Variants in STK32B observed in about 807,000 individuals in gnomAD.
STK32B encodes the protein serine/threonine-protein kinase 32B.
STK32B carries 43 observed loss-of-function variants against 52.6 expected under a neutral mutation model. The ratio of observed to expected loss-of-function variants is 0.82; its 90% CI spans 0.64 to 1.05. STK32B has a LOEUF of 1.05. Among genes scored for constraint, STK32B ranks in the 50% least tolerant of loss-of-function variants. The probability of loss-of-function intolerance (pLI) is 0.00; values close to 1 mark genes in which losing one functional copy is unlikely to be tolerated. For missense variants in STK32B, 621 were observed against 534.6 expected (o/e 1.16, Z -1.59); for synonymous variants, 238 against 204.3 (o/e 1.17, Z -1.41).
At chr4:5,425,667 T>C (rs1293756500) in intron 6 of STK32B, among the ~76,000 whole-genome samples, 1 of 152,202 alleles carries the variant, frequency 6.6e-6, no homozygotes, top group Non-Finnish European at 1.5e-5. Flanking sequence ...AGGAATAATT[T>C]TCATGCAGTA....
intron 3 of STK32B, among the ~76,000 whole-genome samples, chr4:5,259,733 G>T (rs1382459846): frequency 6.6e-6 from 1 of 152,102 alleles, no homozygotes; most frequent in Non-Finnish European, 1.5e-5. Flanking sequence ...TGGGATGAGA[G>T]CTCTGAGGCC....
intron 1 of STK32B, among the ~76,000 whole-genome samples, chr4:5,071,716 G>A (rs937510728): frequency 6.6e-6 from 1 of 152,054 alleles, no homozygotes; most frequent in African/African-American, 2.4e-5. Context: ...TGTTTGCTTA[G>A]GATTTGCATT....
chr4:5,060,600 G>A (rs200399701), intron 1 of STK32B, among the ~76,000 whole-genome samples: 29 of 126,430 alleles, frequency 2.3e-4, no homozygotes, highest in East Asian at 2.0e-3. Context: ...TTATACTTAC[G>A]TATTCTACAC....
the STK32B span, among the ~76,000 whole-genome samples, chr4:5,036,420 G>T: frequency 3.4e-4 from 51 of 152,114 alleles, no homozygotes; most frequent in Non-Finnish European, 1.3e-4. Flanking sequence ...TTGGGTCCAG[G>T]TGTCTCTCTG....
At chr4:5,457,102 T>A (rs909322592) in intron 8 of STK32B, among the ~76,000 whole-genome samples, 179 bp downstream of exon 8, 3 of 151,940 alleles carry the variant, frequency 2.0e-5, no homozygotes, top group Non-Finnish European at 4.4e-5. Context: ...TGCGTGCAGA[T>A]CAGCACACCT....
intron 4 of STK32B, among the ~76,000 whole-genome samples, chr4:5,357,334 A>G (rs1304340999): frequency 7.3e-6 from 1 of 136,552 alleles, no homozygotes; most frequent in Non-Finnish European, 1.5e-5. Flanking sequence ...AGACACTGTG[A>G]GTACGCTTTG....
chr4:5,435,923 T>C (rs1246110624), intron 6 of STK32B: 1 of 152,336 alleles, frequency 6.6e-6, no homozygotes, highest in Non-Finnish European at 1.5e-5. Context: ...AAGAGCCTTG[T>C]CTGGCACATG....
At chr4:5,494,791 C>T (rs961890716) in intron 11 of STK32B, among the ~76,000 whole-genome samples, 66 of 152,132 alleles carry the variant, frequency 4.3e-4, no homozygotes, top group African/African-American at 1.4e-3. Context: ...AATCTCTCAG[C>T]GTTTGCTTGT....
chr4:5,188,845 A>T (rs1577163341), intron 3 of STK32B, among the ~76,000 whole-genome samples: 1 of 139,800 alleles, frequency 7.2e-6, no homozygotes, highest in African/African-American at 2.7e-5. Context: ...AGGGAACATC[A>T]CACACTGGGG....
At chr4:5,244,289 C>A (rs1277447364) in intron 3 of STK32B, among the ~76,000 whole-genome samples, 1 of 152,132 alleles carries the variant, frequency 6.6e-6, no homozygotes, top group Non-Finnish European at 1.5e-5. Flanking sequence ...TCAACTTCTT[C>A]CTGGTTTAGT....
intron 1 of STK32B, among the ~76,000 whole-genome samples, chr4:5,108,561 G>A (rs1260733432): frequency 6.6e-6 from 1 of 152,138 alleles, no homozygotes; most frequent in Non-Finnish European, 1.5e-5. Flanking sequence ...TATTTCAATG[G>A]AAGAGTTCTC....
the STK32B span, among the ~76,000 whole-genome samples, chr4:5,023,201 C>T: frequency 6.6e-6 from 1 of 152,180 alleles, no homozygotes; most frequent in South Asian, 2.1e-4. Flanking sequence ...TAGACCCCTT[C>T]TGAGCCCGGA....
At chr4:5,173,297 A>C (rs1235049569) in intron 3 of STK32B, among the ~76,000 whole-genome samples, 6 of 151,724 alleles carry the variant, frequency 4.0e-5, no homozygotes, top group Middle Eastern at 3.2e-3. Context: ...TTGTGTCTCT[A>C]TTTCCTTCAG....
chr4:5,359,015 T>A (rs1270969864), intron 4 of STK32B, among the ~76,000 whole-genome samples: 1 of 151,970 alleles, frequency 6.6e-6, no homozygotes, highest in African/African-American at 2.4e-5. Context: ...AGGAAAGGGG[T>A]TGGCAGATTC....
At chr4:5,264,077 G>T (rs1389490114) in intron 3 of STK32B, among the ~76,000 whole-genome samples, 1 of 152,142 alleles carries the variant, frequency 6.6e-6, no homozygotes, top group Non-Finnish European at 1.5e-5. Flanking sequence ...TACACATGTG[G>T]GTTGTTTTGG....
intron 3 of STK32B, among the ~76,000 whole-genome samples, chr4:5,290,099 G>C (rs1461898213): frequency 6.6e-6 from 1 of 152,076 alleles, no homozygotes; most frequent in African/African-American, 2.4e-5. Context: ...ACTTACAAGT[G>C]AGAACATGCA....
chr4:5,264,672 A>G (rs868391329), intron 3 of STK32B, among the ~76,000 whole-genome samples: 2 of 151,952 alleles, frequency 1.3e-5, no homozygotes, highest in Admixed American at 6.6e-5. Flanking sequence ...CTGTAGTCCC[A>G]GCTGCTCGGG....
At chr4:5,430,774 G>T (rs142473583) in intron 6 of STK32B, among the ~76,000 whole-genome samples, 59 of 152,268 alleles carry the variant, frequency 3.9e-4, no homozygotes, top group African/African-American at 1.2e-3. Context: ...TTGTTCTGTG[G>T]TTATTTTCAA....
chr4:5,043,132 A>C, the STK32B span, among the ~76,000 whole-genome samples: 7 of 151,710 alleles, frequency 4.6e-5, no homozygotes, highest in African/African-American at 1.7e-4. Flanking sequence ...AAAAAAAAAA[A>C]AAAACCTGTG....
Sources: allele counts gnomAD v4.1 joint callset (sites outside exome capture counted in the v4.1 genomes callset), GRCh38; gene constraint gnomAD v4.1.1; transcripts MANE v1.5; gene names NCBI Gene and HGNC (gene_info 2026-07-23, HGNC 2026-07-21).